NUCB2: variants seen among roughly 807,000 people sequenced by gnomAD.
NUCB2 encodes nucleobindin-2.
A neutral mutation model predicts 57.9 loss-of-function variants in NUCB2; 48 were observed. That is an observed-to-expected ratio of 0.83 (90% CI 0.66 to 1.05). The LOEUF (loss-of-function observed/expected upper bound fraction) is 1.05, where lower values mean the gene tolerates loss of function less well. NUCB2 is among the 50% of genes least tolerant of loss of function. The pLI is 0.00. For missense variants in NUCB2, 442 were observed against 476.2 expected (o/e 0.93, Z 0.67); for synonymous variants, 139 against 152.1 (o/e 0.91, Z 0.64).
intron 2 of NUCB2, chr11:17,337,625 A>C (rs1008831512): frequency 6.6e-6 from 1 of 152,010 alleles, no homozygotes; most frequent in African/African-American, 2.4e-5. Flanking sequence ...AGGAAATCAG[A>C]CCTTTCCTTT....
chr11:17,309,159 A>T (rs531457981), intron 5 of NUCB2, among the ~76,000 whole-genome samples: 3 of 150,422 alleles, frequency 2.0e-5, no homozygotes, highest in Admixed American at 6.6e-5. Flanking sequence ...ACCAAAAATT[A>T]AAAAAAAAGA....
chr11:17,305,987 A>G (rs1194247164), intron 5 of NUCB2, among the ~76,000 whole-genome samples: 2 of 152,188 alleles, frequency 1.3e-5, no homozygotes, highest in Non-Finnish European at 2.9e-5. Flanking sequence ...TATAGTTAAA[A>G]CCACATCTCT....
At chr11:17,312,188 A>G in intron 10 of NUCB2, 68 bp downstream of exon 10, 2 of 868,862 alleles carry the variant, frequency 2.3e-6, no homozygotes, top group Non-Finnish European at 3.6e-6. Flanking sequence ...ATAAATCTTT[A>G]AGATGGAAAA....
intron 2 of NUCB2, among the ~76,000 whole-genome samples, chr11:17,349,069 C>G (rs1393498110): frequency 6.6e-6 from 1 of 152,158 alleles, no homozygotes; most frequent in Admixed American, 6.5e-5. Flanking sequence ...TGTGAGCCAC[C>G]GCGCCCAGCA....
At chr11:17,296,544 A>G (rs1391423746) in intron 4 of NUCB2, among the ~76,000 whole-genome samples, 1 of 152,236 alleles carries the variant, frequency 6.6e-6, no homozygotes, top group Non-Finnish European at 1.5e-5. Flanking sequence ...CTAGAAATAC[A>G]GAAGGCAGAC....
At chr11:17,319,717 T>A (rs1949762477) in intron 11 of NUCB2, among the ~76,000 whole-genome samples, 1 of 152,232 alleles carries the variant, frequency 6.6e-6, no homozygotes, top group Non-Finnish European at 1.5e-5. Flanking sequence ...ACTCTTGATT[T>A]CCTTTTTTTC....
Position 17,311,098 on chromosome 11 carries a change from C to T in NUCB2, c.669+88C>T, listed in dbSNP as rs540132084. 126 of 1,400,594 alleles carry T rather than the reference C, an allele frequency of 9.0e-5. 2 individuals are homozygous for T. The South Asian group carries it at 1.6e-3, about 18-fold the overall frequency. The allele number at this position is 1,400,594 out of a possible 1,614,324, so 86.8% of individuals were successfully genotyped here. On this transcript the variant is annotated intron_variant, in intron 7 of 13. Coordinates refer to ENST00000529010, the MANE Select transcript of NUCB2 (RefSeq NM_005013.4). Reference sequence around the variant, plus strand: ...TTTATTGTGTTATTAGTACTTAAATCTTGATTCTTCTGCCAAGTTCCTCAA... The same window carrying T: ...TTTATTGTGTTATTAGTACTTAAATTTTGATTCTTCTGCCAAGTTCCTCAA...
chr11:17,307,496 A>AT (rs933073084), intron 5 of NUCB2, among the ~76,000 whole-genome samples: 6 of 152,092 alleles, frequency 3.9e-5, no homozygotes, highest in African/African-American at 1.2e-4. Flanking sequence ...TACAAATACA[A>AT]TTTTTTTATT....
At chr11:17,295,229 G>T in intron 2 of NUCB2, 95 bp from the exon 3 acceptor site, 3 of 1,095,666 alleles carry the variant, frequency 2.7e-6, no homozygotes, top group Admixed American at 2.9e-5. Context: ...TAAACCTCTT[G>T]AGATTAAATA....
At chr11:17,294,445 C>T (rs762294260) in intron 2 of NUCB2, among the ~76,000 whole-genome samples, 18 of 151,770 alleles carry the variant, frequency 1.2e-4, no homozygotes, top group South Asian at 6.2e-4. Flanking sequence ...AATTTTATGA[C>T]GTGAAGTATA....
At position 17,330,795 on chromosome 11, in the gene NUCB2, C is replaced by A; in HGVS notation, c.1174-107C>A. 1.3e-6 allele frequency: 1 copy of A among 763,580 alleles called. No individual in the cohort carries two copies. Among genetic ancestry groups the A allele is most frequent in the Non-Finnish European group, 2.3e-6 (1 of 436,262 alleles). 47.3% of individuals were successfully genotyped at this position (763,580 alleles called of 1,614,324 possible). On this transcript the variant is annotated intron_variant, in intron 12 of 13. Coordinates refer to ENST00000529010, the MANE Select transcript of NUCB2 (RefSeq NM_005013.4). This position sits in a 1 kb window ranked among gnomAD's most constrained non-coding sequence, Gnocchi z 4.3. ...AATCTAAATCTTATAGTTTGAATATCTTTGTTTTAGAAAACAATTTTCATT... is the reference window on the plus strand; with the variant it reads ...AATCTAAATCTTATAGTTTGAATATATTTGTTTTAGAAAACAATTTTCATT...
intron 2 of NUCB2, chr11:17,283,713 A>G (rs1263257246): frequency 1.3e-5 from 2 of 152,256 alleles, no homozygotes; most frequent in African/African-American, 4.8e-5. Context: ...GTTGTGTTAA[A>G]AAGAGCTAAC....
intron 2 of NUCB2, among the ~76,000 whole-genome samples, chr11:17,342,348 C>T (rs1014015519): frequency 2.0e-5 from 3 of 152,158 alleles, no homozygotes; most frequent in Admixed American, 1.3e-4. Flanking sequence ...TTCTTGCCTT[C>T]TGCTAGCTTT....
chr11:17,311,762 T>C (rs1948517516), intron 8 of NUCB2, 110 bp from the exon 9 acceptor site: 1 of 664,142 alleles, frequency 1.5e-6, no homozygotes, highest in Admixed American at 2.7e-5. Context: ...TGCAGTCTAT[T>C]GATGCTTCAC....
At position 17,330,781 on chromosome 11, in the gene NUCB2, T is replaced by C; in HGVS notation, c.1174-121T>C. The C allele has an allele frequency of 1.4e-6, 1 of 725,150 alleles. No individual in the cohort carries two copies. Among genetic ancestry groups the C allele is most frequent in the Non-Finnish European group, 2.5e-6 (1 of 408,072 alleles). 44.9% of individuals were successfully genotyped at this position (725,150 alleles called of 1,614,324 possible). A position where few individuals can be genotyped will look rare whatever the true frequency, so the allele number is the denominator to read the frequency against. On this transcript the variant is annotated intron_variant, in intron 12 of 13. Transcript: ENST00000529010. The surrounding 1 kb of genome is among the most constrained non-coding windows in gnomAD (Gnocchi z 4.3). ...ACTGCACCTAGTCAAATCTAAATCT[T>C]ATAGTTTGAATATCTTTGTTTTAGA...
At chr11:17,318,674 G>A (rs1591499641) in intron 11 of NUCB2, among the ~76,000 whole-genome samples, 1 of 152,274 alleles carries the variant, frequency 6.6e-6, no homozygotes, top group Admixed American at 6.5e-5. Flanking sequence ...ACAAAAGCCA[G>A]TTTGAAGAAA....
At chr11:17,310,081 C>T (rs1344690068) in intron 6 of NUCB2, among the ~76,000 whole-genome samples, 3 of 152,188 alleles carry the variant, frequency 2.0e-5, no homozygotes, top group African/African-American at 4.8e-5. Flanking sequence ...CTGAGCACAT[C>T]TGGCCTCAGA....
chr11:17,330,268 C>T lies in NUCB2; in HGVS notation c.1144C>T (p.Leu382=), dbSNP rs762325693. The T allele has an allele frequency of 6.2e-7, 1 of 1,606,656 alleles. No individual in the cohort carries two copies. Residue 382 remains leucine, a synonymous_variant, in exon 12 of 14, where the codon CTG becomes TTG. Coordinates refer to ENST00000529010, the MANE Select transcript of NUCB2 (RefSeq NM_005013.4). This position sits in a 1 kb window ranked among gnomAD's most constrained non-coding sequence, Gnocchi z 4.3. ...KEELQRQHDQ[L]EAQKLEYHQV... ...AGAGCTACAACGTCAGCATGATCAA[C>T]TGGAGGCTCAGAAGCTGGAATATCA...
At position 17,327,638 on chromosome 11, in the gene NUCB2, C is replaced by T. The variant is rs151186990; in HGVS notation, c.1003-2489C>T. 8.9e-3 allele frequency among the ~76,000 whole-genome samples: 1,350 copies of T among 152,220 alleles called. 19 individuals are homozygous for T. Among genetic ancestry groups the T allele is most frequent in the African/African-American group, 0.025 (1,024 of 41,530 alleles). Reference sequence around the variant, plus strand: ...TTTCATTCTCTCTCCTTTGTGTCCTCTGTATTTTCAAATAGCCTGTCTTCA... The same window carrying T: ...TTTCATTCTCTCTCCTTTGTGTCCTTTGTATTTTCAAATAGCCTGTCTTCA... On this transcript the variant is annotated intron_variant, in intron 11 of 13. Coordinates refer to ENST00000529010, the MANE Select transcript of NUCB2 (RefSeq NM_005013.4).
Sources: allele counts gnomAD v4.1 joint callset (sites outside exome capture counted in the v4.1 genomes callset), GRCh38; gene constraint gnomAD v4.1.1; non-coding constraint Gnocchi (gnomAD v3.1); transcripts MANE v1.5; gene names NCBI Gene and HGNC (gene_info 2026-07-23, HGNC 2026-07-21).